Variants in FRMD4A observed in about 807,000 individuals in gnomAD.
FRMD4A encodes the protein FERM domain-containing protein 4A.
A neutral mutation model predicts 129.1 loss-of-function variants in FRMD4A; 29 were observed. The observed-to-expected ratio is 0.22, with a 90% CI of 0.17 to 0.31. The LOEUF (loss-of-function observed/expected upper bound fraction) is 0.31, where lower values mean the gene tolerates loss of function less well. Ranked by LOEUF, FRMD4A falls within the 10% of genes least tolerant of loss-of-function variation. The pLI is 1.00. For missense variants in FRMD4A, 1,272 were observed against 1,375.8 expected, an observed-to-expected ratio of 0.92 and a Z score of 1.19; for synonymous variants, 634 against 571.6, an observed-to-expected ratio of 1.11 and a Z score of -1.56.
At chr10:13,944,064 G>A (rs2797876) in intron 2 of FRMD4A, among the ~76,000 whole-genome samples, 2,949 of 152,282 alleles carry the variant, frequency 0.019, 102 homozygotes, top group African/African-American at 0.068. Flanking sequence ...GTCTGTCTTT[G>A]GGCAGGTGAA....
intron 2 of FRMD4A, among the ~76,000 whole-genome samples, chr10:14,019,836 T>C (rs1414706682): frequency 1.3e-5 from 2 of 152,194 alleles, no homozygotes; most frequent in Non-Finnish European, 2.9e-5. Flanking sequence ...GATTTGAGTC[T>C]GATACTGGGT....
intron 2 of FRMD4A, chr10:14,326,671 T>C (rs1373273629): frequency 2.5e-6 from 1 of 395,946 alleles, no homozygotes; most frequent in African/African-American, 2.1e-5. Flanking sequence ...AGCCCCTTGG[T>C]TATTCATCCT....
At position 13,816,155 on chromosome 10, in the gene FRMD4A, G is replaced by C. The variant is rs1436841710; in HGVS notation, c.112-5247C>G. 2.6e-5 allele frequency among the ~76,000 whole-genome samples: 4 copies of C among 152,148 alleles called. No homozygotes were observed. The East Asian group carries it at 7.7e-4, about 29-fold the overall frequency. ...ATTACTTTACACAACAGTTATTATA[G>C]ACCATATGTATCAATTTCCAGGAAG... On this transcript the variant is annotated intron_variant, in intron 3 of 24. Coordinates refer to ENST00000357447, the MANE Select transcript of FRMD4A (RefSeq NM_018027.5).
At position 13,854,824 on chromosome 10, in the gene FRMD4A, G is replaced by A. The variant is rs562104791; in HGVS notation, c.111+4023C>T. Reference sequence around the variant, plus strand: ...TGCTGTCTGTGGGCTGAACTGCAGGGCAATCTGTCTATGCAACCTGCATGT... The same window carrying A: ...TGCTGTCTGTGGGCTGAACTGCAGGACAATCTGTCTATGCAACCTGCATGT... On this transcript the variant is annotated intron_variant, in intron 3 of 24. Coordinates refer to ENST00000357447, the MANE Select transcript of FRMD4A (RefSeq NM_018027.5). Among the ~76,000 whole-genome samples the A allele has an allele frequency of 2.6e-5, 4 of 152,228 alleles. No homozygotes were observed. The South Asian group carries it at 8.3e-4, about 32-fold the overall frequency.
chr10:14,309,706 T>G (rs1431444464), intron 2 of FRMD4A, among the ~76,000 whole-genome samples: 1 of 151,908 alleles, frequency 6.6e-6, no homozygotes, highest in Non-Finnish European at 1.5e-5. Flanking sequence ...GGTCCAGTGT[T>G]TTCACCCCTC....
At chr10:13,703,202 G>A (rs116003497) in intron 13 of FRMD4A, among the ~76,000 whole-genome samples, 17 of 152,268 alleles carry the variant, frequency 1.1e-4, no homozygotes, top group East Asian at 5.8e-4. Context: ...GGCAGAAGAG[G>A]TAAGTGGCTG....
chr10:14,109,059 A>T (rs1302424149), intron 2 of FRMD4A, among the ~76,000 whole-genome samples: 1 of 152,064 alleles, frequency 6.6e-6, no homozygotes, highest in African/African-American at 2.4e-5. Flanking sequence ...ATTACTTTCT[A>T]TTTGTTTCAC....
At chr10:14,259,367 T>C (rs1374793332) in intron 2 of FRMD4A, among the ~76,000 whole-genome samples, 1 of 152,184 alleles carries the variant, frequency 6.6e-6, no homozygotes. Flanking sequence ...TCTTTAATAA[T>C]TATATTACTG....
chr10:14,235,408 A>T (rs1391848325), intron 2 of FRMD4A, among the ~76,000 whole-genome samples: 1 of 151,922 alleles, frequency 6.6e-6, no homozygotes, highest in Non-Finnish European at 1.5e-5. Context: ...TCGGTCTCCC[A>T]AAGTGCTGGG....
intron 2 of FRMD4A, among the ~76,000 whole-genome samples, chr10:14,261,523 C>G (rs1304413841): frequency 6.6e-6 from 1 of 152,166 alleles, no homozygotes; most frequent in African/African-American, 2.4e-5. Context: ...CATGAAACAG[C>G]TCTCAGAGAA....
At chr10:13,849,405 C>T (rs1325870467) in intron 3 of FRMD4A, among the ~76,000 whole-genome samples, 1 of 152,062 alleles carries the variant, frequency 6.6e-6, no homozygotes, top group African/African-American at 2.4e-5. Flanking sequence ...GACACGGAAT[C>T]AACTCCATAT....
Position 13,659,430 on chromosome 10 carries a change from G to A in FRMD4A, c.1959C>T (p.Ser653=), listed in dbSNP as rs752099192. 1.2e-6 allele frequency: 2 copies of A among 1,614,006 alleles called. No homozygotes were observed. The highest frequency in any genetic ancestry group is 1.3e-5 in the African/African-American group (1 of 75,056). ...GGCCGCGGATGGGGCTGTTCTGCAA[G>A]GAGTTGCTTCCTCCGCCGGCTTCCG... ...SCAEAGGGSN[S]LQNSPIRGLP... is the part of the protein sequence containing the mutation. The change falls in exon 21 of 25, where the codon TCC becomes TCT. Residue 653 remains serine, a synonymous_variant. Coordinates refer to ENST00000357447, the MANE Select transcript of FRMD4A (RefSeq NM_018027.5).
intron 13 of FRMD4A, among the ~76,000 whole-genome samples, 172 bp downstream of exon 13, chr10:13,706,865 T>C (rs950717421): frequency 2.0e-5 from 3 of 151,844 alleles, no homozygotes; most frequent in Non-Finnish European, 4.4e-5. Flanking sequence ...TATCAACACA[T>C]GTAATTGAAA....
chr10:13,747,102 G>A (rs552427250), intron 9 of FRMD4A, among the ~76,000 whole-genome samples: 117 of 151,704 alleles, frequency 7.7e-4, no homozygotes, highest in Non-Finnish European at 1.3e-3. Flanking sequence ...TGAAACTCTA[G>A]CAGCACATGA....
chr10:14,202,471 G>A (rs1004448958), intron 2 of FRMD4A, among the ~76,000 whole-genome samples: 10 of 152,010 alleles, frequency 6.6e-5, no homozygotes, highest in African/African-American at 1.7e-4. Context: ...GCGCTATCTC[G>A]GCTCACTGCA....
chr10:14,138,912 C>T (rs1038049567), intron 2 of FRMD4A, among the ~76,000 whole-genome samples: 5 of 152,222 alleles, frequency 3.3e-5, no homozygotes, highest in East Asian at 3.9e-4. Context: ...AGCCATTGTC[C>T]TTGAGCCCTG....
At chr10:14,257,350 A>T (rs1844652059) in intron 2 of FRMD4A, among the ~76,000 whole-genome samples, 1 of 152,196 alleles carries the variant, frequency 6.6e-6, no homozygotes, top group African/African-American at 2.4e-5. Context: ...GAAAGTTAAC[A>T]AACTGGAACA....
chr10:13,746,915 T>A (rs901419081), intron 9 of FRMD4A, among the ~76,000 whole-genome samples: 9 of 152,192 alleles, frequency 5.9e-5, no homozygotes, highest in African/African-American at 2.2e-4. Flanking sequence ...GAATCAGCCA[T>A]TTAGGGCCGA....
intron 2 of FRMD4A, among the ~76,000 whole-genome samples, chr10:14,204,197 G>T (rs539259918): frequency 7.9e-5 from 12 of 152,248 alleles, no homozygotes; most frequent in Non-Finnish European, 1.5e-4. Flanking sequence ...GCCGAGGTGG[G>T]AGGATTGCTT....
Sources: gnomAD v4.1 joint callset for allele counts (sites outside exome capture counted in the v4.1 genomes callset) on GRCh38, gnomAD v4.1.1 for gene constraint, MANE v1.5 for transcripts, NCBI Gene and HGNC (gene_info 2026-07-23, HGNC 2026-07-21) for gene names.